Variants in PCDHA9 observed in about 807,000 individuals in gnomAD.
PCDHA9 encodes protocadherin alpha 9, also known as protocadherin alpha-9.
Under a neutral mutation model 62.0 loss-of-function variants are expected in PCDHA9, and 62 were observed. That is an observed-to-expected ratio of 1.00 (90% CI 0.81 to 1.23). The LOEUF (loss-of-function observed/expected upper bound fraction) is 1.23, where lower values mean the gene tolerates loss of function less well. PCDHA9 is among the 50% of genes most tolerant of loss of function. PCDHA9 has a pLI of 0.00. For missense variants in PCDHA9, 1,205 were observed against 1,249.8 expected, an observed-to-expected ratio of 0.96 and a Z score of 0.54; for synonymous variants, 557 against 567.6, an observed-to-expected ratio of 0.98 and a Z score of 0.27.
Position 140,876,798 on chromosome 5 carries a change from C to G in PCDHA9, c.2394+25909C>G, listed in dbSNP as rs199586239. 1.6e-4 allele frequency: 252 copies of G among 1,614,180 alleles called. 4 individuals are homozygous for G. The East Asian group carries it at 3.4e-3, about 22-fold the overall frequency. ...CGCTGTGGGCCACGGCTAGAGTGTC[C>G]GTGGAGGTGGCCGACGTGAACGACA... On this transcript the variant is annotated intron_variant, in intron 1 of 3. Coordinates refer to ENST00000532602, the MANE Select transcript of PCDHA9 (RefSeq NM_031857.2).
intron 1 of PCDHA9, chr5:140,859,802 T>G (rs1318090519): frequency 6.6e-6 from 1 of 152,544 alleles, no homozygotes; most frequent in Non-Finnish European, 1.5e-5. Flanking sequence ...TTATAGATGC[T>G]AAGTTAATGC....
At chr5:140,982,878 C>T (rs2097013352) in intron 3 of PCDHA9, among the ~76,000 whole-genome samples, 1 of 151,992 alleles carries the variant, frequency 6.6e-6, no homozygotes, top group South Asian at 2.1e-4. Flanking sequence ...TCATCCAAGC[C>T]ATGCAGAGAA....
At chr5:140,904,974 T>C (rs537444148) in intron 1 of PCDHA9, among the ~76,000 whole-genome samples, 97 of 152,356 alleles carry the variant, frequency 6.4e-4, no homozygotes, top group African/African-American at 2.2e-3. Context: ...GTGACTATTT[T>C]CTCCCACTCT....
chr5:140,952,767 A>T (rs912245909), intron 1 of PCDHA9, among the ~76,000 whole-genome samples: 13 of 152,298 alleles, frequency 8.5e-5, no homozygotes, highest in African/African-American at 2.9e-4. Flanking sequence ...GAGACTGGAT[A>T]ATTTAGAAAG....
intron 1 of PCDHA9, among the ~76,000 whole-genome samples, chr5:140,903,075 C>T (rs2069986128): frequency 6.6e-6 from 1 of 152,114 alleles, no homozygotes; most frequent in Non-Finnish European, 1.5e-5. Flanking sequence ...TGGGTAGATA[C>T]CTGATAGTGG....
intron 3 of PCDHA9, among the ~76,000 whole-genome samples, chr5:141,005,816 G>A (rs1295998009): frequency 1.3e-5 from 2 of 151,804 alleles, no homozygotes; most frequent in African/African-American, 4.8e-5. Context: ...AGCCAGGTAT[G>A]GTGGCCTGTA....
intron 1 of PCDHA9, among the ~76,000 whole-genome samples, chr5:140,919,331 A>G (rs2079089725): frequency 6.6e-6 from 1 of 152,026 alleles, no homozygotes; most frequent in Non-Finnish European, 1.5e-5. Context: ...TTTACTTTCA[A>G]TCTGTTTGTA....
intron 1 of PCDHA9, chr5:140,968,356 C>T (rs1586289885): frequency 1.2e-6 from 2 of 1,614,062 alleles, no homozygotes; most frequent in Non-Finnish European, 1.7e-6. Context: ...CCAGTGGCAG[C>T]CTTTATGCTG....
chr5:140,866,472 CT>C (rs2049389020), intron 1 of PCDHA9: 2 of 152,112 alleles, frequency 1.3e-5, no homozygotes, highest in Non-Finnish European at 2.9e-5. Flanking sequence ...CTCATAACAA[CT>C]GACAAATGAT....
At chr5:140,861,430 A>G (rs370794784) in intron 1 of PCDHA9, 18 of 488,226 alleles carry the variant, frequency 3.7e-5, no homozygotes, top group African/African-American at 3.5e-4. Context: ...TTTCAGTTGG[A>G]TTCCAAAAGC....
intron 3 of PCDHA9, among the ~76,000 whole-genome samples, chr5:140,985,205 G>C (rs1554246849): frequency 6.6e-6 from 1 of 152,092 alleles, no homozygotes; most frequent in African/African-American, 2.4e-5. Flanking sequence ...CCAAAGTGTT[G>C]GGATTACAGG....
chr5:141,007,678 A>T (rs1472767852), intron 3 of PCDHA9, among the ~76,000 whole-genome samples: 1 of 152,236 alleles, frequency 6.6e-6, no homozygotes, highest in Non-Finnish European at 1.5e-5. Context: ...GACAAAAGTT[A>T]TCCTACTTCC....
At chr5:140,948,764 G>A (rs962710607) in intron 1 of PCDHA9, among the ~76,000 whole-genome samples, 11 of 150,728 alleles carry the variant, frequency 7.3e-5, no homozygotes, top group East Asian at 3.9e-4. Context: ...GATTTTTTTC[G>A]AATAGCCAGC....
intron 1 of PCDHA9, among the ~76,000 whole-genome samples, chr5:140,909,031 A>G (rs782567758): frequency 7.9e-5 from 12 of 152,106 alleles, no homozygotes; most frequent in Non-Finnish European, 1.6e-4. Flanking sequence ...TTAGTCATTT[A>G]TTTTCCATAC....
chr5:140,954,290 G>T (rs2095014659), intron 1 of PCDHA9, among the ~76,000 whole-genome samples: 1 of 152,126 alleles, frequency 6.6e-6, no homozygotes, highest in Non-Finnish European at 1.5e-5. Flanking sequence ...ATTCCTTTGG[G>T]TACATACCCA....
intron 1 of PCDHA9, chr5:140,870,717 T>C (rs782672690): frequency 4.3e-6 from 7 of 1,613,062 alleles, no homozygotes; most frequent in South Asian, 2.2e-5. Context: ...GCGCGCGCGA[T>C]GCGGGCGTGC....
intron 1 of PCDHA9, among the ~76,000 whole-genome samples, chr5:140,895,123 T>C (rs1583185390): frequency 6.6e-6 from 1 of 152,300 alleles, no homozygotes; most frequent in East Asian, 1.9e-4. Flanking sequence ...CATTTGTTAG[T>C]TGACAAGTTC....
chr5:140,882,868 G>A (rs1283664390), intron 1 of PCDHA9: 25 of 1,614,184 alleles, frequency 1.5e-5, no homozygotes, highest in Middle Eastern at 1.6e-4. Context: ...GGAAAACACT[G>A]GACAGAGAGG....
chr5:140,859,194 A>G (rs1412348145), intron 1 of PCDHA9: 1 of 149,838 alleles, frequency 6.7e-6, no homozygotes, highest in African/African-American at 2.4e-5. Context: ...ATTGCTTATG[A>G]TATTCAGGTA....
Sources: allele counts gnomAD v4.1 joint callset (sites outside exome capture counted in the v4.1 genomes callset), GRCh38; gene constraint gnomAD v4.1.1; transcripts MANE v1.5; gene names NCBI Gene and HGNC (gene_info 2026-07-23, HGNC 2026-07-21).